MBD5: variants seen among roughly 807,000 people sequenced by gnomAD.
MBD5 encodes the protein methyl-CpG binding domain protein 5.
In MBD5, 13 loss-of-function variants were observed where a neutral mutation model predicts 117.3. That is an observed-to-expected ratio of 0.11 (90% CI 0.07 to 0.18). MBD5 has a LOEUF of 0.18. Ranked by LOEUF, MBD5 falls within the 10% of genes least tolerant of loss-of-function variation. The pLI, the probability that MBD5 is intolerant of heterozygous loss-of-function variation, is 1.00. For synonymous variants in MBD5, 727 were observed against 766.4 expected (o/e 0.95, Z 0.85); for missense variants, 1,879 against 2,093.8 (o/e 0.90, Z 2.00).
At chr2:148,414,930 C>G (rs1183439668) in intron 4 of MBD5, among the ~76,000 whole-genome samples, 1 of 152,000 alleles carries the variant, frequency 6.6e-6, no homozygotes, top group Non-Finnish European at 1.5e-5. Flanking sequence ...CTGCTCTGTG[C>G]CTTTTAATTG....
chr2:148,047,552 G>T (rs944987077), intron 1 of MBD5, among the ~76,000 whole-genome samples: 12 of 152,190 alleles, frequency 7.9e-5, no homozygotes, highest in African/African-American at 2.9e-4. Flanking sequence ...TTTACCAAGT[G>T]CCTTGATAAA....
chr2:148,471,270 A>G (rs1177444519), intron 8 of MBD5: 2 of 152,142 alleles, frequency 1.3e-5, no homozygotes, highest in African/African-American at 4.8e-5. Context: ...CATATTAGAA[A>G]AAGACCTGTA....
intron 4 of MBD5, among the ~76,000 whole-genome samples, chr2:148,419,499 G>T (rs1312841017): frequency 6.6e-6 from 1 of 151,942 alleles, no homozygotes; most frequent in African/African-American, 2.4e-5. Context: ...TTTCAGATGG[G>T]TATTCAATTG....
At chr2:148,326,010 T>C (rs1201308932) in intron 3 of MBD5, among the ~76,000 whole-genome samples, 1 of 152,196 alleles carries the variant, frequency 6.6e-6, no homozygotes, top group Non-Finnish European at 1.5e-5. Context: ...GCTTTGAATG[T>C]GTCCCAGAGA....
chr2:148,479,473 G>A (rs1352554930), intron 8 of MBD5, among the ~76,000 whole-genome samples: 1 of 152,044 alleles, frequency 6.6e-6, no homozygotes, highest in East Asian at 1.9e-4. Flanking sequence ...TTTGAATACC[G>A]ATCATGTGTC....
At chr2:148,255,972 G>A (rs890335023) in intron 3 of MBD5, among the ~76,000 whole-genome samples, 4 of 152,258 alleles carry the variant, frequency 2.6e-5, no homozygotes, top group African/African-American at 9.6e-5. Context: ...TCAGGGCCTG[G>A]ATGGTGTTCT....
chr2:148,423,049 G>A (rs1705655747), intron 4 of MBD5, among the ~76,000 whole-genome samples: 1 of 152,074 alleles, frequency 6.6e-6, no homozygotes, highest in Non-Finnish European at 1.5e-5. Flanking sequence ...TAGCAAGACA[G>A]GCCAACATTC....
intron 1 of MBD5, chr2:148,071,096 C>T (rs1377194525): frequency 6.6e-6 from 1 of 152,118 alleles, no homozygotes; most frequent in African/African-American, 2.4e-5. Context: ...AGATGATCCA[C>T]CTGCCTCGGC....
At chr2:148,466,178 TTAG>T (rs750156124) in intron 7 of MBD5, among the ~76,000 whole-genome samples, 28 of 152,258 alleles carry the variant, frequency 1.8e-4, no homozygotes, top group Middle Eastern at 3.4e-3. Context: ...GAAGACTGAC[TTAG>T]TAGTTTTTCA....
chr2:148,198,374 G>C (rs1020679917), intron 2 of MBD5, among the ~76,000 whole-genome samples: 1 of 151,958 alleles, frequency 6.6e-6, no homozygotes, highest in Non-Finnish European at 1.5e-5. Flanking sequence ...CTGTGCATTG[G>C]CTTCCTCTGT....
chr2:148,186,081 T>C (rs771203537), intron 2 of MBD5, among the ~76,000 whole-genome samples: 3 of 152,242 alleles, frequency 2.0e-5, no homozygotes, highest in Non-Finnish European at 4.4e-5. Flanking sequence ...ACTGGTTTAG[T>C]TGCAGTATAG....
chr2:148,459,800 G>A (rs1361784528), intron 5 of MBD5, among the ~76,000 whole-genome samples: 4 of 152,156 alleles, frequency 2.6e-5, no homozygotes, highest in Non-Finnish European at 5.9e-5. Context: ...AACTCAGAAA[G>A]TCAGTTCAGA....
intron 2 of MBD5, among the ~76,000 whole-genome samples, chr2:148,188,843 T>TA (rs1558964728): frequency 6.6e-6 from 1 of 151,786 alleles, no homozygotes; most frequent in Admixed American, 6.6e-5. Context: ...CCATCTGAGG[T>TA]ACCGGGTTCA....
chr2:148,339,292 G>A (rs1702879248), intron 3 of MBD5, among the ~76,000 whole-genome samples: 1 of 151,980 alleles, frequency 6.6e-6, no homozygotes, highest in Non-Finnish European at 1.5e-5. Context: ...AAAGGATATG[G>A]TAGGCTGTTC....
intron 1 of MBD5, among the ~76,000 whole-genome samples, chr2:148,114,936 TA>T (rs1328934705): frequency 2.6e-5 from 4 of 152,142 alleles, no homozygotes; most frequent in Non-Finnish European, 4.4e-5. Flanking sequence ...TTCCTACCTG[TA>T]ACAGTACTCC....
intron 11 of MBD5, among the ~76,000 whole-genome samples, chr2:148,496,816 G>T (rs992774305): frequency 2.0e-5 from 3 of 152,144 alleles, no homozygotes; most frequent in African/African-American, 7.2e-5. Context: ...GTGATAAAGA[G>T]AATTTGGTTA....
intron 3 of MBD5, among the ~76,000 whole-genome samples, chr2:148,341,407 A>G (rs1054878706): frequency 1.4e-4 from 21 of 152,052 alleles, no homozygotes; most frequent in African/African-American, 5.1e-4. Context: ...TTTAAGCTGA[A>G]TGTTTCTAAG....
At chr2:148,389,351 G>C (rs1464847203) in intron 4 of MBD5, among the ~76,000 whole-genome samples, 6 of 134,458 alleles carry the variant, frequency 4.5e-5, no homozygotes, top group Non-Finnish European at 9.4e-5. Flanking sequence ...CACTTAGCTT[G>C]ATTCCATGAC....
chr2:148,463,697 T>C (rs868288527), intron 6 of MBD5, 42 bp from the exon 7 acceptor site: 2 of 1,604,902 alleles, frequency 1.2e-6, no homozygotes, highest in Non-Finnish European at 1.7e-6. Context: ...TTATTAAATG[T>C]TTTTACAGAC....
Sources: allele counts gnomAD v4.1 joint callset (sites outside exome capture counted in the v4.1 genomes callset), GRCh38; gene constraint gnomAD v4.1.1; transcripts MANE v1.5; gene names NCBI Gene and HGNC (gene_info 2026-07-23, HGNC 2026-07-21).